The following MEGF6 variants were observed in gnomAD, a reference collection of about 807,000 sequenced individuals.
MEGF6 encodes multiple EGF like domains 6.
A neutral mutation model predicts 207.1 loss-of-function variants in MEGF6; 184 were observed. The observed-to-expected ratio is 0.89, with a 90% CI of 0.79 to 1.00. MEGF6 has a LOEUF of 1.00. Among genes scored for constraint, MEGF6 ranks in the 50% least tolerant of loss-of-function variants. The pLI is 0.00. For synonymous variants in MEGF6, 1,038 were observed against 910.0 expected (o/e 1.14, Z -2.53); for missense variants, 2,282 against 2,202.9 (o/e 1.04, Z -0.72).
intron 2 of MEGF6, among the ~76,000 whole-genome samples, chr1:3,596,929 G>A (rs557261970): frequency 4.8e-4 from 73 of 152,250 alleles, no homozygotes; most frequent in Non-Finnish European, 7.9e-4. Context: ...GCCCCATCCC[G>A]GGGCTCGTAA....
chr1:3,508,326 T>A (rs1557731615), intron 13 of MEGF6, among the ~76,000 whole-genome samples: 1 of 152,218 alleles, frequency 6.6e-6, no homozygotes, highest in Non-Finnish European at 1.5e-5. Flanking sequence ...ACACTTTAAC[T>A]TGCTTGTTCC....
Position 3,611,351 on chromosome 1 carries a change from T to C in MEGF6, c.-83A>G, listed in dbSNP as rs1039035604. The C allele has an allele frequency of 2.3e-4, 313 of 1,359,512 alleles. No individual in the cohort carries two copies. The highest frequency in any genetic ancestry group is 2.8e-4 in the Non-Finnish European group (292 of 1,060,998). The allele number at this position is 1,359,512 out of a possible 1,614,324, so 84.2% of individuals were successfully genotyped here. A position where few individuals can be genotyped will look rare whatever the true frequency, so the allele number is the denominator to read the frequency against. The stretch of plus-strand genomic sequence containing the variant: ...GGAGCCTCCGCCTCCACGTGCGCCA[T>C]AGGACGCAGCCACAGGTGCCCGCGC... On this transcript the variant is annotated 5_prime_UTR_variant, in exon 1 of 37. The change abolishes an upstream ATG in the 5' untranslated region. Transcript: ENST00000356575.
intron 4 of MEGF6, among the ~76,000 whole-genome samples, chr1:3,579,048 G>A (rs556760143): frequency 2.8e-4 from 42 of 152,348 alleles, no homozygotes; most frequent in African/African-American, 6.0e-4. Flanking sequence ...ATGGAGCCCC[G>A]GTGGCCACCA....
intron 35 of MEGF6, among the ~76,000 whole-genome samples, chr1:3,491,950 C>T (rs111982366): frequency 6.6e-6 from 1 of 151,838 alleles, no homozygotes; most frequent in Non-Finnish European, 1.5e-5. Flanking sequence ...CCGGCACACA[C>T]GCCTGTGCCC....
chr1:3,601,074 T>G (rs949662928), intron 2 of MEGF6, among the ~76,000 whole-genome samples: 1 of 152,156 alleles, frequency 6.6e-6, no homozygotes, highest in African/African-American at 2.4e-5. Flanking sequence ...CTGCCCCCAG[T>G]GCCCTGCCAG....
At chr1:3,599,043 C>T (rs1449731171) in intron 2 of MEGF6, among the ~76,000 whole-genome samples, 1 of 152,208 alleles carries the variant, frequency 6.6e-6, no homozygotes, top group Non-Finnish European at 1.5e-5. Context: ...CCCATCACCC[C>T]GCGGCCCTGC....
intron 4 of MEGF6, among the ~76,000 whole-genome samples, chr1:3,543,167 C>A (rs1642583232): frequency 6.6e-6 from 1 of 152,236 alleles, no homozygotes; most frequent in Non-Finnish European, 1.5e-5. Context: ...TGGAGACGCT[C>A]CCAGGGCCGG....
chr1:3,572,970 G>T (rs987441453), intron 4 of MEGF6, among the ~76,000 whole-genome samples: 1 of 147,550 alleles, frequency 6.8e-6, no homozygotes, highest in Non-Finnish European at 1.5e-5. Flanking sequence ...TCCTTCCTGG[G>T]TGTGCTGGGT....
intron 4 of MEGF6, among the ~76,000 whole-genome samples, chr1:3,541,258 T>C (rs1251140729): frequency 6.6e-6 from 1 of 151,926 alleles, no homozygotes; most frequent in African/African-American, 2.4e-5. Context: ...AGGCTTGGCA[T>C]GGAGTGTGGG....
intron 4 of MEGF6, chr1:3,531,212 GCGCGGCCAGCC>G: frequency 2.7e-6 from 4 of 1,495,348 alleles, no homozygotes; most frequent in Non-Finnish European, 3.6e-6. Context: ...AGGCACCAGA[GCGCGGCCAGCC>G]CGCGGTCCCG....
chr1:3,499,012 C>A, intron 24 of MEGF6, 126 bp downstream of exon 24: 1 of 1,433,324 alleles, frequency 7.0e-7, no homozygotes, highest in South Asian at 1.3e-5. Flanking sequence ...GTGAAAGGCA[C>A]GGTCCTCAGT....
the MEGF6 span, among the ~76,000 whole-genome samples, chr1:3,620,485 C>T: frequency 0.025 from 3,860 of 152,308 alleles, 157 homozygotes; most frequent in African/African-American, 0.086. Context: ...AGGTGAACTT[C>T]GGGAGACTCT....
At chr1:3,537,100 T>C (rs1176481249) in intron 4 of MEGF6, among the ~76,000 whole-genome samples, 2 of 152,202 alleles carry the variant, frequency 1.3e-5, no homozygotes, top group Non-Finnish European at 2.9e-5. Context: ...AGAGAGGCTG[T>C]GGGCATAGTG....
rs1569906123 is a variant in MEGF6 at position 3,489,612 on chromosome 1, T to C, written c.*916A>G. On this transcript the variant is annotated 3_prime_UTR_variant, in exon 37 of 37. Coordinates refer to ENST00000356575, the MANE Select transcript of MEGF6 (RefSeq NM_001409.4). ...CTGCTGATGCTCAGGTAGGGGTGGGTGGGGTGAGCCCAAGGGAGTTCGGCC... is the reference window on the plus strand; with the variant it reads ...CTGCTGATGCTCAGGTAGGGGTGGGCGGGGTGAGCCCAAGGGAGTTCGGCC... Among the ~76,000 whole-genome samples the C allele has an allele frequency of 6.6e-6, 1 of 151,962 alleles. No individual in the cohort carries two copies. The highest frequency in any genetic ancestry group is 1.5e-5 in the Non-Finnish European group (1 of 67,964).
intron 1 of MEGF6, among the ~76,000 whole-genome samples, chr1:3,609,058 C>T (rs10909984): frequency 1.3e-5 from 2 of 152,034 alleles, no homozygotes; most frequent in Non-Finnish European, 2.9e-5. Context: ...ACTCAGCCAG[C>T]GGGGGTGCCG....
chr1:3,538,579 T>C (rs1407343743), intron 4 of MEGF6, among the ~76,000 whole-genome samples: 4 of 151,966 alleles, frequency 2.6e-5, no homozygotes, highest in Non-Finnish European at 5.9e-5. Context: ...GAGCCCACGA[T>C]GGAGTGGTCC....
chr1:3,499,009 G>T, intron 24 of MEGF6, 129 bp downstream of exon 24: 1 of 1,430,718 alleles, frequency 7.0e-7, no homozygotes, highest in Non-Finnish European at 9.4e-7. Context: ...CAGGTGAAAG[G>T]CACGGTCCTC....
In MEGF6 at chr1:3,509,166, G is replaced by T; in HGVS notation, c.1437C>A (p.Asp479Glu). The change falls in exon 12 of 37, where the codon GAC (aspartate) becomes GAA (glutamate). Residue 479 changes from aspartate (D) to glutamate (E), a missense_variant. By Grantham distance (45) the Asp-to-Glu change is conservative. Transcript: ENST00000356575. Reference sequence around the variant, plus strand: ...CATCCTGGAAGAGTTGCGGCAGCTCGTCCTGGAGCACGGCAATGTGGGGCA... The same window carrying T: ...CATCCTGGAAGAGTTGCGGCAGCTCTTCCTGGAGCACGGCAATGTGGGGCA... The part of the protein sequence containing the change: ...RPLPHIAVLQ[D>E]ELPQLFQDDD... 1 of 1,582,178 alleles carries T rather than the reference G, an allele frequency of 6.3e-7. No individual in the cohort carries two copies.
chr1:3,508,629 C>T lies in MEGF6; in HGVS notation c.1589G>A (p.Gly530Glu). 1 of 1,613,564 alleles carries T rather than the reference C, an allele frequency of 6.2e-7. No individual in the cohort carries two copies. The highest frequency in any genetic ancestry group is 8.5e-7 in the Non-Finnish European group (1 of 1,179,956). Residue 530 changes from glycine to glutamate, a missense_variant, in exon 13 of 37, where the codon GGA becomes GAA. Gly to Glu is a moderately conservative substitution (Grantham distance 98). Coordinates refer to ENST00000356575, the MANE Select transcript of MEGF6 (RefSeq NM_001409.4). The stretch of plus-strand genomic sequence containing the variant: ...ATCCAGGCCCAGGAGGCAGGTCCCT[C>T]CGTTCCTGCAGTCATCACAGGTCAA... ...CSLTCDDCRN[G>E]GTCLLGLDGC...
Sources: allele counts gnomAD v4.1 joint callset (sites outside exome capture counted in the v4.1 genomes callset), GRCh38; gene constraint gnomAD v4.1.1; transcripts MANE v1.5; gene names NCBI Gene and HGNC (gene_info 2026-07-23, HGNC 2026-07-21).